The following ILDR1 variants were observed in gnomAD, a reference collection of about 807,000 sequenced individuals.
The protein encoded by ILDR1 is immunoglobulin like domain containing receptor 1.
A neutral mutation model predicts 62.4 loss-of-function variants in ILDR1; 56 were observed. The observed-to-expected ratio is 0.90, with a 90% CI of 0.72 to 1.12. The LOEUF is 1.12. Among genes scored for constraint, ILDR1 ranks in the 50% most tolerant of loss-of-function variants. The pLI is 0.00. For synonymous variants in ILDR1, 284 were observed against 277.8 expected (o/e 1.02, Z -0.22); for missense variants, 736 against 710.6 (o/e 1.04, Z -0.41).
At chr3:122,040,723 C>CAAAAAAAAAAAAAAA in the ILDR1 span, among the ~76,000 whole-genome samples, 1 of 65,386 alleles carries the variant, frequency 1.5e-5, no homozygotes, top group Non-Finnish European at 3.2e-5. Context: ...AATCCAGATG[C>CAAAAAAAAAAAAAAA]AAAAAAAAAA....
the ILDR1 span, among the ~76,000 whole-genome samples, chr3:122,029,532 A>ATATATATATATATATATG: frequency 1.4e-4 from 21 of 148,824 alleles, no homozygotes; most frequent in South Asian, 6.4e-4. Flanking sequence ...ATATATATAT[A>ATATATATATATATATATG]TTTAGGGGAA....
chr3:121,992,817 C>T (rs1401598543), intron 7 of ILDR1, among the ~76,000 whole-genome samples: 3 of 152,324 alleles, frequency 2.0e-5, no homozygotes, highest in Non-Finnish European at 2.9e-5. Context: ...GCATTCAAGT[C>T]CTAGCTCATG....
the ILDR1 span, among the ~76,000 whole-genome samples, chr3:122,040,156 G>A: frequency 2.6e-5 from 4 of 151,870 alleles, no homozygotes; most frequent in Non-Finnish European, 5.9e-5. Flanking sequence ...ATCAGTGGAG[G>A]AGTAAACCAG....
intron 3 of ILDR1, among the ~76,000 whole-genome samples, chr3:122,003,027 C>G (rs2071551484): frequency 6.6e-6 from 1 of 152,150 alleles, no homozygotes; most frequent in East Asian, 1.9e-4. Context: ...GTGGGTCCAG[C>G]ATTATGTCAG....
At chr3:122,003,293 G>A (rs60155532) in intron 3 of ILDR1, among the ~76,000 whole-genome samples, 6,569 of 152,224 alleles carry the variant, frequency 0.043, 487 homozygotes, top group African/African-American at 0.15. Flanking sequence ...GCAAGGTCAC[G>A]CACCAGTGGA....
chr3:122,000,020 A>G (rs754258574), intron 5 of ILDR1, among the ~76,000 whole-genome samples: 72 of 151,030 alleles, frequency 4.8e-4, no homozygotes, highest in Non-Finnish European at 7.4e-4. Context: ...GAAAATGTAT[A>G]AATACTAAAC....
the ILDR1 span, among the ~76,000 whole-genome samples, chr3:122,048,034 C>T: frequency 6.6e-6 from 1 of 152,216 alleles, no homozygotes; most frequent in Non-Finnish European, 1.5e-5. Flanking sequence ...TGTTCCTCAT[C>T]AAGGAAAAGC....
the ILDR1 span, among the ~76,000 whole-genome samples, chr3:122,037,892 G>T: frequency 2.0e-5 from 3 of 152,152 alleles, 1 homozygote; most frequent in South Asian, 6.2e-4. Flanking sequence ...TTCTCATGAT[G>T]TATGATGGCT....
At chr3:122,004,503 C>G (rs1365399603) in intron 3 of ILDR1, among the ~76,000 whole-genome samples, 3 of 152,070 alleles carry the variant, frequency 2.0e-5, no homozygotes, top group Non-Finnish European at 4.4e-5. Context: ...GTTCATATAC[C>G]CTGTAAATGC....
At chr3:122,037,907 A>AGTGTGT in the ILDR1 span, among the ~76,000 whole-genome samples, 5 of 151,984 alleles carry the variant, frequency 3.3e-5, no homozygotes, top group East Asian at 1.9e-4. Context: ...ATGGCTTAAA[A>AGTGTGT]GTGTGTGGTA....
At chr3:122,005,141 G>A in intron 3 of ILDR1, 103 bp downstream of exon 3, 1 of 817,150 alleles carries the variant, frequency 1.2e-6, no homozygotes, top group South Asian at 1.6e-5. Flanking sequence ...AGACCAACAG[G>A]CAGCAGAAAG....
chr3:122,017,747 C>T (rs2071796767), intron 1 of ILDR1, among the ~76,000 whole-genome samples: 1 of 152,218 alleles, frequency 6.6e-6, no homozygotes, highest in Admixed American at 6.5e-5. Flanking sequence ...TGAACAGACA[C>T]TTCTCCAAAG....
chr3:122,022,603 C>G (rs2071878251), upstream of ILDR1, among the ~76,000 whole-genome samples: 1 of 152,148 alleles, frequency 6.6e-6, no homozygotes, highest in Non-Finnish European at 1.5e-5. Flanking sequence ...AATGTCTGTT[C>G]AGATTTTCTA....
chr3:122,004,125 T>C (rs781492914), intron 3 of ILDR1, among the ~76,000 whole-genome samples: 1 of 152,214 alleles, frequency 6.6e-6, no homozygotes, highest in Admixed American at 6.5e-5. Context: ...AGTCAGAATA[T>C]TCACTGATTC....
At chr3:122,024,099 C>T (rs1032957027), upstream of ILDR1, among the ~76,000 whole-genome samples, 3 of 151,756 alleles carry the variant, frequency 2.0e-5, no homozygotes, top group African/African-American at 4.8e-5. Context: ...ATGTTTGTTC[C>T]GTTGAACAGT....
the ILDR1 span, among the ~76,000 whole-genome samples, chr3:122,039,895 A>G: frequency 5.9e-5 from 9 of 151,994 alleles, no homozygotes; most frequent in Non-Finnish European, 1.2e-4. Flanking sequence ...TTCTTAAAAG[A>G]CTCAGTTAAA....
At chr3:121,990,314 A>G (rs1292028276) in intron 7 of ILDR1, among the ~76,000 whole-genome samples, 1 of 152,242 alleles carries the variant, frequency 6.6e-6, no homozygotes, top group Non-Finnish European at 1.5e-5. Flanking sequence ...TGCCAAATCA[A>G]GCTTTGATCC....
chr3:122,023,533 G>C (rs914104080), upstream of ILDR1, among the ~76,000 whole-genome samples: 6 of 152,026 alleles, frequency 3.9e-5, no homozygotes, highest in African/African-American at 1.5e-4. Context: ...CTGTGAGGGG[G>C]CCCCTTACCC....
At chr3:122,038,387 C>G in the ILDR1 span, among the ~76,000 whole-genome samples, 1 of 152,142 alleles carries the variant, frequency 6.6e-6, no homozygotes, top group Non-Finnish European at 1.5e-5. Context: ...ACAGGTATTA[C>G]TAAAGAAATT....
Sources: allele counts gnomAD v4.1 joint callset (sites outside exome capture counted in the v4.1 genomes callset), GRCh38; gene constraint gnomAD v4.1.1; transcripts MANE v1.5; gene names NCBI Gene and HGNC (gene_info 2026-07-23, HGNC 2026-07-21).